Variants in GRID2 observed in about 807,000 individuals in gnomAD.
GRID2 encodes the protein glutamate ionotropic receptor delta type subunit 2.
Under a neutral mutation model 114.8 loss-of-function variants are expected in GRID2, and 33 were observed. The observed-to-expected ratio is 0.29, with a 90% CI of 0.22 to 0.38. The LOEUF is 0.38. Among genes scored for constraint, GRID2 ranks in the 10% least tolerant of loss-of-function variants. The pLI is 1.00. For synonymous variants in GRID2, 505 were observed against 449.9 expected (o/e 1.12, Z -1.55); for missense variants, 1,184 against 1,257.7 (o/e 0.94, Z 0.89).
At chr4:92,659,973 C>T (rs1439531867) in intron 2 of GRID2, among the ~76,000 whole-genome samples, 2 of 151,422 alleles carry the variant, frequency 1.3e-5, no homozygotes, top group Non-Finnish European at 1.5e-5. Context: ...TGAACGTTAA[C>T]GTTCACTGTG....
intron 1 of GRID2, among the ~76,000 whole-genome samples, chr4:92,512,029 C>A (rs1313558171): frequency 3.4e-5 from 5 of 148,160 alleles, no homozygotes; most frequent in African/African-American, 1.2e-4. Flanking sequence ...TGAATTTATC[C>A]AAGACAATGA....
intron 2 of GRID2, among the ~76,000 whole-genome samples, chr4:92,720,255 G>C (rs2149316846): frequency 6.6e-6 from 1 of 152,038 alleles, no homozygotes; most frequent in East Asian, 1.9e-4. Context: ...GTAAAATTGA[G>C]AAAAATTATT....
intron 2 of GRID2, among the ~76,000 whole-genome samples, chr4:92,886,046 A>AT (rs1313784264): frequency 6.6e-6 from 1 of 152,106 alleles, no homozygotes; most frequent in African/African-American, 2.4e-5. Context: ...ATTTTGGTTT[A>AT]TTTTTAATAA....
chr4:93,127,884 G>A (rs2149370752), intron 4 of GRID2, among the ~76,000 whole-genome samples: 2 of 151,738 alleles, frequency 1.3e-5, no homozygotes, highest in East Asian at 3.9e-4. Flanking sequence ...AGCTGGGTAT[G>A]GTGGTACATG....
rs370304996 is a variant in GRID2, at chr4:92,395,619, T to C, written c.88+90875T>C. Among the ~76,000 whole-genome samples, 5 of 151,826 alleles carry C rather than the reference T, an allele frequency of 3.3e-5. No individual in the cohort carries two copies. In the East Asian group the frequency reaches 5.8e-4, roughly 18 times the overall value. ...CTCTCTTGCCCCGATATATTTATTC[T>C]ATGTAGCTGTTGGCACTATCTATCT... is the stretch of plus-strand genomic sequence containing the variant. On this transcript the variant is annotated intron_variant, in intron 1 of 15. Transcript: ENST00000282020.
At chr4:92,449,712 A>ATATATATAG (rs1383896886) in intron 1 of GRID2, among the ~76,000 whole-genome samples, 7 of 67,688 alleles carry the variant, frequency 1.0e-4, no homozygotes, top group African/African-American at 3.3e-4. Flanking sequence ...TATATATATA[A>ATATATATAG]CACTTAAGCC....
At chr4:92,941,789 A>C (rs1402261248) in intron 2 of GRID2, among the ~76,000 whole-genome samples, 1 of 152,138 alleles carries the variant, frequency 6.6e-6, no homozygotes, top group Non-Finnish European at 1.5e-5. Flanking sequence ...CATTGGTTTC[A>C]AAGAACATCT....
At chr4:92,632,128 C>T (rs1478372406) in intron 2 of GRID2, among the ~76,000 whole-genome samples, 1 of 152,092 alleles carries the variant, frequency 6.6e-6, no homozygotes, top group Admixed American at 6.6e-5. Flanking sequence ...AATTTGAAGA[C>T]TTTGCGCTTT....
At chr4:92,731,501 T>C (rs1409058049) in intron 2 of GRID2, among the ~76,000 whole-genome samples, 4 of 151,940 alleles carry the variant, frequency 2.6e-5, no homozygotes, top group East Asian at 1.9e-4. Flanking sequence ...ATAAAAAAGA[T>C]GAACAATACC....
intron 2 of GRID2, among the ~76,000 whole-genome samples, chr4:92,674,499 C>G (rs984804826): frequency 6.6e-6 from 1 of 151,972 alleles, no homozygotes; most frequent in Non-Finnish European, 1.5e-5. Context: ...AAATTTTCAT[C>G]TCTTTACCCA....
intron 2 of GRID2, among the ~76,000 whole-genome samples, chr4:92,660,929 A>G (rs1255097087): frequency 6.6e-6 from 1 of 151,110 alleles, no homozygotes; most frequent in Non-Finnish European, 1.5e-5. Flanking sequence ...ATTAGAAATA[A>G]TAGCTATTAT....
At chr4:92,915,847 G>A (rs972783113) in intron 2 of GRID2, among the ~76,000 whole-genome samples, 2 of 151,908 alleles carry the variant, frequency 1.3e-5, no homozygotes, top group Non-Finnish European at 2.9e-5. Flanking sequence ...TATGATTGTT[G>A]GCCACATGTA....
At chr4:92,647,142 A>G (rs2149258490) in intron 2 of GRID2, among the ~76,000 whole-genome samples, 1 of 152,302 alleles carries the variant, frequency 6.6e-6, no homozygotes, top group African/African-American at 2.4e-5. Context: ...ATCCTGTATA[A>G]CTTACTTTAT....
At chr4:92,525,704 G>A (rs1047181489) in intron 1 of GRID2, among the ~76,000 whole-genome samples, 1 of 152,076 alleles carries the variant, frequency 6.6e-6, no homozygotes, top group Non-Finnish European at 1.5e-5. Flanking sequence ...GAAATTTTGG[G>A]TTGAGCCAGG....
At chr4:93,146,370 T>C (rs1560926528) in intron 4 of GRID2, among the ~76,000 whole-genome samples, 2 of 152,158 alleles carry the variant, frequency 1.3e-5, no homozygotes, top group African/African-American at 4.8e-5. Flanking sequence ...TTGATAAAAA[T>C]TGAGTCAATG....
intron 13 of GRID2, among the ~76,000 whole-genome samples, chr4:93,624,716 G>T (rs1578424773): frequency 6.6e-6 from 1 of 152,104 alleles, no homozygotes. Context: ...TAACCTTGGA[G>T]TTTAACTATT....
chr4:93,424,021 C>A (rs892100040), intron 10 of GRID2, among the ~76,000 whole-genome samples: 2 of 151,938 alleles, frequency 1.3e-5, no homozygotes, highest in African/African-American at 4.8e-5. Context: ...TCATAATATG[C>A]CTTCTTAACT....
chr4:93,106,105 A>G (rs1732202325), intron 3 of GRID2, among the ~76,000 whole-genome samples: 1 of 152,200 alleles, frequency 6.6e-6, no homozygotes, highest in African/African-American at 2.4e-5. Context: ...TCTGGTCAGT[A>G]GAAGAAATTA....
intron 14 of GRID2, among the ~76,000 whole-genome samples, chr4:93,660,682 A>G (rs751471579): frequency 1.3e-5 from 2 of 152,194 alleles, no homozygotes; most frequent in African/African-American, 2.4e-5. Context: ...ATGACTTGCA[A>G]TCTACCAAGT....
Sources: gnomAD v4.1 joint callset for allele counts (sites outside exome capture counted in the v4.1 genomes callset) on GRCh38, gnomAD v4.1.1 for gene constraint, MANE v1.5 for transcripts, NCBI Gene and HGNC (gene_info 2026-07-23, HGNC 2026-07-21) for gene names.